The following VGLL3 variants were observed in gnomAD, a reference collection of about 807,000 sequenced individuals.
VGLL3 encodes the protein transcription cofactor vestigial-like protein 3.
VGLL3 carries 18 observed loss-of-function variants against 29.2 expected under a neutral mutation model. That is an observed-to-expected ratio of 0.62 (90% confidence interval 0.43 to 0.91). The LOEUF (loss-of-function observed/expected upper bound fraction) is 0.91. Among genes scored for constraint, VGLL3 ranks in the 40% least tolerant of loss-of-function variants. The probability of loss-of-function intolerance (pLI) is 0.00; values close to 1 mark genes in which losing one functional copy is unlikely to be tolerated. For synonymous variants in VGLL3, 180 were observed against 151.8 expected (o/e 1.19, Z -1.36); for missense variants, 440 against 413.2 (o/e 1.06, Z -0.56).
In VGLL3 at chr3:86,969,675, TTTTATTTATTTA is replaced by T. The variant is rs201595037; in HGVS notation, c.404-564_404-553del. Among the ~76,000 whole-genome samples the T allele has an allele frequency of 4.1e-3, 602 of 145,490 alleles. 3 individuals carry two copies. Among genetic ancestry groups the T allele is most frequent in the African/African-American group, 0.011 (452 of 39,360 alleles). ...TTAAGAAGAGTGTATTCCAACCTCATTTTATTTATTTATTTATTTATTTATTTATTTATTTAT... is the reference window on the plus strand; with the variant it reads ...TTAAGAAGAGTGTATTCCAACCTCATTTTATTTATTTATTTATTTATTTAT... On this transcript the variant is annotated intron_variant, in intron 2 of 3. Coordinates refer to ENST00000398399, the MANE Select transcript of VGLL3 (RefSeq NM_016206.4).
Position 86,981,873 on chromosome 3 carries a change from G to A in VGLL3, c.127-3071C>T, listed in dbSNP as rs1224165982. Among the ~76,000 whole-genome samples, 3 of 151,864 alleles carry A rather than the reference G, an allele frequency of 2.0e-5. No homozygotes were observed. The East Asian group carries it at 5.8e-4, about 29-fold the overall frequency. ...AAGCACACACACACTCACATACACAGACATAGCCTCACAATCAACAGTACT... is the reference window on the plus strand; with the variant it reads ...AAGCACACACACACTCACATACACAAACATAGCCTCACAATCAACAGTACT... On this transcript the variant is annotated intron_variant, in intron 1 of 3. Transcript: ENST00000398399.
At position 86,941,850 on chromosome 3, in the gene VGLL3, T is replaced by C. The variant is rs933414378; in HGVS notation, c.*5174A>G. On this transcript the variant is annotated 3_prime_UTR_variant, in exon 4 of 4. Transcript: ENST00000398399. Reference sequence around the variant, plus strand: ...ATGTCTGTGCTGTGACCAATCTCCATGACCAAGTTACCATGAAAAGTAACA... The same window carrying C: ...ATGTCTGTGCTGTGACCAATCTCCACGACCAAGTTACCATGAAAAGTAACA... 6 of 151,994 alleles carry C rather than the reference T, an allele frequency of 3.9e-5. No homozygotes were observed. Among genetic ancestry groups the C allele is most frequent in the Admixed American group, 6.6e-5 (1 of 15,250 alleles). 9.4% of individuals were successfully genotyped at this position (151,994 alleles called of 1,614,324 possible). A position where few individuals can be genotyped will look rare whatever the true frequency, so the allele number is the denominator to read the frequency against.
chr3:86,968,900 A>G lies in VGLL3; in HGVS notation c.627T>C (p.Tyr209=). The G allele has an allele frequency of 6.2e-7, 1 of 1,614,142 alleles. No individual in the cohort carries two copies. Among genetic ancestry groups the G allele is most frequent in the Non-Finnish European group, 8.5e-7 (1 of 1,180,028 alleles). The change falls in exon 3 of 4, where the codon TAT becomes TAC. Residue 209 remains tyrosine, a synonymous_variant. Transcript: ENST00000398399. The part of the protein sequence containing the change: ...PPPAVSESWP[Y]PLTSQVSPSY... Reference sequence around the variant, plus strand: ...ATGGGCTCACCTGAGATGTCAAAGGATAAGGCCAGGACTCAGACACAGCAG... The same window carrying G: ...ATGGGCTCACCTGAGATGTCAAAGGGTAAGGCCAGGACTCAGACACAGCAG...
At chr3:86,969,273 GAT>G in intron 2 of VGLL3, 150 bp from the exon 3 acceptor site, 1 of 1,015,206 alleles carries the variant, frequency 9.9e-7, no homozygotes, top group Non-Finnish European at 1.4e-6. Flanking sequence ...GGGGTGAATT[GAT>G]ACCAGGTTGG....
chr3:86,967,389 CT>C (rs1704986750), intron 3 of VGLL3, among the ~76,000 whole-genome samples: 1 of 152,156 alleles, frequency 6.6e-6, no homozygotes, highest in South Asian at 2.1e-4. Context: ...ACCAAGTCCC[CT>C]GATACTTTGT....
rs1704495706 is a variant in VGLL3, at chr3:86,945,823, TG to T, written c.*1200del. The T allele has an allele frequency of 1.3e-5, 2 of 152,068 alleles. No homozygotes were observed. Among genetic ancestry groups the T allele is most frequent in the South Asian group, 4.1e-4 (2 of 4,836 alleles). 9.4% of individuals were successfully genotyped at this position (152,068 alleles called of 1,614,324 possible). A position where few individuals can be genotyped will look rare whatever the true frequency, so the allele number is the denominator to read the frequency against. On this transcript the variant is annotated 3_prime_UTR_variant, in exon 4 of 4. Transcript: ENST00000398399. Reference sequence around the variant, plus strand: ...ATTTAAACAAACAAAAAAAGAGACTTGTTAAGTTCTGTGTTGAAACTATTAT... The same window carrying T: ...ATTTAAACAAACAAAAAAAGAGACTTTTAAGTTCTGTGTTGAAACTATTAT...
At position 86,945,621 on chromosome 3, in the gene VGLL3, T is replaced by C. The variant is rs1359270943; in HGVS notation, c.*1403A>G. 1 of 152,174 alleles carries C rather than the reference T, an allele frequency of 6.6e-6. No individual in the cohort carries two copies. Among genetic ancestry groups the C allele is most frequent in the Non-Finnish European group, 1.5e-5 (1 of 68,016 alleles). The allele number at this position is 152,174 out of a possible 1,614,324, so 9.4% of individuals were successfully genotyped here. ...TGTCTTAATGATAATTTAAACTTTA[T>C]TTAGATCCTGAGAGCTATATCAAGT... On this transcript the variant is annotated 3_prime_UTR_variant, in exon 4 of 4. Coordinates refer to ENST00000398399, the MANE Select transcript of VGLL3 (RefSeq NM_016206.4).
At chr3:86,961,000 G>A (rs895624504) in intron 3 of VGLL3, among the ~76,000 whole-genome samples, 1 of 146,256 alleles carries the variant, frequency 6.8e-6, no homozygotes, top group African/African-American at 2.6e-5. Context: ...TTAATATTAG[G>A]TTACCTAAAT....
intron 2 of VGLL3, among the ~76,000 whole-genome samples, chr3:86,972,828 A>G (rs541613764): frequency 4.6e-5 from 7 of 152,312 alleles, no homozygotes; most frequent in African/African-American, 1.4e-4. Flanking sequence ...AAAATGCCCA[A>G]CTGTAATTTT....
chr3:86,953,648 T>C (rs1704658812), intron 3 of VGLL3, among the ~76,000 whole-genome samples: 1 of 152,178 alleles, frequency 6.6e-6, no homozygotes, highest in Admixed American at 6.5e-5. Context: ...GTTGTTTCAA[T>C]GTTAGTTTCT....
At chr3:86,948,998 A>C (rs1372476574) in intron 3 of VGLL3, among the ~76,000 whole-genome samples, 1 of 152,174 alleles carries the variant, frequency 6.6e-6, no homozygotes, top group Non-Finnish European at 1.5e-5. Context: ...TTTAATTATT[A>C]AAACATCTCA....
Position 86,945,349 on chromosome 3 carries a change from C to T in VGLL3, c.*1675G>A, listed in dbSNP as rs547377714. 7.9e-5 allele frequency: 12 copies of T among 152,054 alleles called. No individual in the cohort carries two copies. The highest frequency in any genetic ancestry group is 1.9e-4 in the African/African-American group (8 of 41,400). 9.4% of individuals were successfully genotyped at this position (152,054 alleles called of 1,614,324 possible). On this transcript the variant is annotated 3_prime_UTR_variant, in exon 4 of 4. Coordinates refer to ENST00000398399, the MANE Select transcript of VGLL3 (RefSeq NM_016206.4). ...ATGTCATGTTCATGTCTAAAAAGTTCGCATATATGATACGAACAATTAAAG... is the reference window on the plus strand; with the variant it reads ...ATGTCATGTTCATGTCTAAAAAGTTTGCATATATGATACGAACAATTAAAG...
Position 86,943,678 on chromosome 3 carries a change from G to A in VGLL3, c.*3346C>T, listed in dbSNP as rs1575855608. The A allele has an allele frequency of 1.3e-5, 2 of 152,256 alleles. No individual in the cohort carries two copies. Among genetic ancestry groups the A allele is most frequent in the African/African-American group, 4.8e-5 (2 of 41,546 alleles). 9.4% of individuals were successfully genotyped at this position (152,256 alleles called of 1,614,324 possible). ...GAGCAAATAGAGGGGAAAGTTAAGAGAGGGTGCTTAACTTTCTTAAGAAGA... is the reference window on the plus strand; with the variant it reads ...GAGCAAATAGAGGGGAAAGTTAAGAAAGGGTGCTTAACTTTCTTAAGAAGA... On this transcript the variant is annotated 3_prime_UTR_variant, in exon 4 of 4. Transcript: ENST00000398399.
rs1041758338 is a variant in VGLL3 at position 86,943,815 on chromosome 3, T to C, written c.*3209A>G. 1.3e-5 allele frequency: 2 copies of C among 152,132 alleles called. No individual in the cohort carries two copies. The highest frequency in any genetic ancestry group is 4.8e-5 in the African/African-American group (2 of 41,410). 9.4% of individuals were successfully genotyped at this position (152,132 alleles called of 1,614,324 possible). On this transcript the variant is annotated 3_prime_UTR_variant, in exon 4 of 4. Transcript: ENST00000398399. The stretch of plus-strand genomic sequence containing the variant: ...TATGTTGTTTCTTAGCTCCCGATGG[T>C]TTATTGGTGGAAGCATAGATTCTAT...
rs1412958556 is a variant in VGLL3, at chr3:86,941,854, C to T, written c.*5170G>A. 1.3e-5 allele frequency: 2 copies of T among 151,982 alleles called. No individual in the cohort carries two copies. Among genetic ancestry groups the T allele is most frequent in the Non-Finnish European group, 2.9e-5 (2 of 67,984 alleles). The allele number at this position is 151,982 out of a possible 1,614,324, so 9.4% of individuals were successfully genotyped here. On this transcript the variant is annotated 3_prime_UTR_variant, in exon 4 of 4. Transcript: ENST00000398399. ...CTGTGCTGTGACCAATCTCCATGACCAAGTTACCATGAAAAGTAACATTTT... is the reference window on the plus strand; with the variant it reads ...CTGTGCTGTGACCAATCTCCATGACTAAGTTACCATGAAAAGTAACATTTT...
At chr3:86,983,353 C>A (rs1241698423) in intron 1 of VGLL3, among the ~76,000 whole-genome samples, 1 of 152,244 alleles carries the variant, frequency 6.6e-6, no homozygotes, top group East Asian at 1.9e-4. Flanking sequence ...ATAAAAGCAG[C>A]ACATTACTCT....
intron 3 of VGLL3, among the ~76,000 whole-genome samples, chr3:86,956,622 T>C (rs2106979409): frequency 6.6e-6 from 1 of 151,882 alleles, no homozygotes; most frequent in African/African-American, 2.4e-5. Context: ...CGGTCTTTAC[T>C]AAAAATACAA....
chr3:86,962,553 T>A, intron 3 of VGLL3: 2 of 977,974 alleles, frequency 2.0e-6, no homozygotes, highest in Non-Finnish European at 2.4e-6. Context: ...AAAAAAAAAT[T>A]TAAAAAACAA....
intron 2 of VGLL3, among the ~76,000 whole-genome samples, chr3:86,977,111 G>A (rs1400974661): frequency 6.6e-6 from 1 of 151,930 alleles, no homozygotes; most frequent in South Asian, 2.1e-4. Context: ...TTCCATCAAG[G>A]CCTTGGATAT....
Sources: gnomAD v4.1 joint callset for allele counts (sites outside exome capture counted in the v4.1 genomes callset) on GRCh38, gnomAD v4.1.1 for gene constraint, MANE v1.5 for transcripts, NCBI Gene and HGNC (gene_info 2026-07-23, HGNC 2026-07-21) for gene names.